The following TJP1 variants were observed in gnomAD, a reference collection of about 807,000 sequenced individuals.
The protein encoded by TJP1 is tight junction protein ZO-1.
Under a neutral mutation model 194.2 loss-of-function variants are expected in TJP1, and 43 were observed. The ratio of observed to expected loss-of-function variants is 0.22; its 90% CI spans 0.17 to 0.29. TJP1 has a LOEUF of 0.29. TJP1 is among the 10% of genes least tolerant of loss of function. TJP1 has a pLI of 1.00. For synonymous variants in TJP1, 801 were observed against 779.0 expected (o/e 1.03, Z -0.47); for missense variants, 1,971 against 2,185.7 (o/e 0.90, Z 1.96).
rs556135120 is a variant in TJP1, at chr15:29,849,702, G to A, written c.307-49000C>T. ...TCGGAGGTTGCAATGAGCTGAGATCGTGCCACTGTACTCCAGCCTGGGCAA... is the reference window on the plus strand; with the variant it reads ...TCGGAGGTTGCAATGAGCTGAGATCATGCCACTGTACTCCAGCCTGGGCAA... On this transcript the variant is annotated intron_variant, in intron 2 of 28. Transcript: ENST00000356107. Among the ~76,000 whole-genome samples the A allele has an allele frequency of 9.3e-5, 14 of 150,300 alleles. 1 individual carries two copies. The highest frequency in any genetic ancestry group is 2.0e-4 in the East Asian group (1 of 5,082).
rs759205241 is a variant in TJP1, at chr15:29,761,169, C to T, written c.980G>A (p.Arg327Lys). ...ATTGCTTGGCTGCTGCGGCGAGTGC[C>T]TGGAATGATCAGAAGGCTCTGACCG... ...DQRSEPSDHS[R>K]HSPQQPSNGS... is the part of the protein sequence containing the mutation. Residue 327 changes from arginine (R) to lysine (K), a missense_variant, in exon 8 of 28, where the codon AGG (arginine) becomes AAG (lysine). Around this residue, in one of 5 missense-constraint regions of TJP1, gnomAD observed 192 missense variants for 182.3 expected, o/e 1.05. Coordinates refer to ENST00000614355, the MANE Select transcript of TJP1 (RefSeq NM_001330239.4). 6.2e-7 allele frequency: 1 copy of T among 1,612,474 alleles called. No individual in the cohort carries two copies. Among genetic ancestry groups the T allele is most frequent in the Non-Finnish European group, 8.5e-7 (1 of 1,179,414 alleles).
intron 1 of TJP1, among the ~76,000 whole-genome samples, chr15:29,811,100 CA>C (rs1160079379): frequency 6.6e-6 from 1 of 151,846 alleles, no homozygotes; most frequent in Non-Finnish European, 1.5e-5. Context: ...TGCTAGGAAC[CA>C]AAAAGAGGAA....
At chr15:29,962,710 T>C (rs912851127) in intron 1 of TJP1, among the ~76,000 whole-genome samples, 7 of 152,242 alleles carry the variant, frequency 4.6e-5, no homozygotes, top group Non-Finnish European at 1.0e-4. Flanking sequence ...CAGGAAAAGC[T>C]AGTAAAATGC....
chr15:29,941,408 T>C (rs2055071480), intron 2 of TJP1, among the ~76,000 whole-genome samples: 1 of 152,212 alleles, frequency 6.6e-6, no homozygotes, highest in Non-Finnish European at 1.5e-5. Flanking sequence ...TAAAATGGTC[T>C]GTGCTCCTCA....
chr15:29,943,256 A>G (rs891278022), intron 2 of TJP1, among the ~76,000 whole-genome samples: 1 of 152,166 alleles, frequency 6.6e-6, no homozygotes, highest in African/African-American at 2.4e-5. Flanking sequence ...AATTTAGCTA[A>G]TCCTTCTTTC....
chr15:29,739,736 C>T (rs560450537), intron 10 of TJP1, among the ~76,000 whole-genome samples: 4 of 152,084 alleles, frequency 2.6e-5, no homozygotes, highest in East Asian at 1.9e-4. Context: ...TGAGCCACTG[C>T]GCCCGGCCAG....
At chr15:29,721,992 C>T (rs2042956420) in intron 18 of TJP1, among the ~76,000 whole-genome samples, 1 of 152,218 alleles carries the variant, frequency 6.6e-6, no homozygotes, top group Non-Finnish European at 1.5e-5. Flanking sequence ...CTGCTTCTAA[C>T]AGCATGTGTT....
At chr15:29,942,234 C>G (rs1417840037) in intron 2 of TJP1, among the ~76,000 whole-genome samples, 3 of 152,186 alleles carry the variant, frequency 2.0e-5, no homozygotes, top group Non-Finnish European at 2.9e-5. Flanking sequence ...AGCTCCCGAA[C>G]TAGCAGTTGC....
Position 29,701,684 on chromosome 15 carries a change from G to A in TJP1, c.5218C>T (p.Pro1740Ser), listed in dbSNP as rs202155254. ...LKSSDSSSGDPKTWQNKCLPG... is the reference protein window; with the variant it reads ...LKSSDSSSGDSKTWQNKCLPG... Reference sequence around the variant, plus strand: ...AGACACTTGTTTTGCCAGGTTTTAGGATCACCTATGAGAGAAAAGAAGTTG... The same window carrying A: ...AGACACTTGTTTTGCCAGGTTTTAGAATCACCTATGAGAGAAAAGAAGTTG... Residue 1740 changes from proline to serine, a missense_variant, in exon 28 of 28, where the codon CCT becomes TCT. Pro to Ser is a moderately conservative substitution (Grantham distance 74). This residue lies in a region of TJP1 where 1,108 missense variants were observed against 1,128.5 expected (regional missense o/e 0.98). Coordinates refer to ENST00000614355, the MANE Select transcript of TJP1 (RefSeq NM_001330239.4). The A allele has an allele frequency of 1.4e-5, 23 of 1,613,320 alleles. No individual in the cohort carries two copies. In the East Asian group the frequency reaches 4.5e-4, roughly 31 times the overall value.
intron 2 of TJP1, among the ~76,000 whole-genome samples, chr15:29,945,285 T>C (rs1333246598): frequency 6.6e-6 from 1 of 152,352 alleles, no homozygotes; most frequent in South Asian, 2.1e-4. Context: ...GTAGGAATTA[T>C]GTTAGCTAGG....
rs544485314 is a variant in TJP1, at chr15:29,820,323, T to C, written c.27+1679A>G. ...ACTGAATATTATTTCATTTCACTTATTCATTTATGGCCTGTTTTGCTCTAT... is the reference window on the plus strand; with the variant it reads ...ACTGAATATTATTTCATTTCACTTACTCATTTATGGCCTGTTTTGCTCTAT... On this transcript the variant is annotated intron_variant, in intron 1 of 27. Transcript: ENST00000614355. 5.9e-5 allele frequency among the ~76,000 whole-genome samples: 9 copies of C among 152,298 alleles called. No individual in the cohort carries two copies. The South Asian group carries it at 1.5e-3, about 25-fold the overall frequency.
intron 8 of TJP1, among the ~76,000 whole-genome samples, chr15:29,746,901 C>T (rs2044823874): frequency 6.7e-6 from 1 of 148,712 alleles, no homozygotes; most frequent in South Asian, 2.1e-4. Flanking sequence ...TGAAGTAGAA[C>T]AATCTTTTAG....
intron 2 of TJP1, among the ~76,000 whole-genome samples, chr15:29,917,595 G>A (rs1466800271): frequency 6.6e-6 from 1 of 152,174 alleles, no homozygotes. Context: ...CTGCAACCCA[G>A]GCTCCAGGCT....
intron 18 of TJP1, among the ~76,000 whole-genome samples, chr15:29,723,220 T>C (rs1048591413): frequency 5.3e-5 from 8 of 152,186 alleles, no homozygotes; most frequent in African/African-American, 1.9e-4. Flanking sequence ...GGTTTGGATT[T>C]GTGTCCCCAC....
At chr15:29,796,541 T>C (rs2048425191) in intron 2 of TJP1, among the ~76,000 whole-genome samples, 1 of 152,164 alleles carries the variant, frequency 6.6e-6, no homozygotes, top group Non-Finnish European at 1.5e-5. Context: ...GAGATAACAT[T>C]ATATTCATAG....
At chr15:29,915,839 G>C (rs2152236869) in intron 2 of TJP1, among the ~76,000 whole-genome samples, 1 of 152,300 alleles carries the variant, frequency 6.6e-6, no homozygotes, top group South Asian at 2.1e-4. Context: ...TAAGATACTA[G>C]AGAGTAAAAC....
chr15:29,833,879 A>ATTTTTTTTTTTTTTTTT (rs1460129845), intron 2 of TJP1, among the ~76,000 whole-genome samples: 2 of 13,788 alleles, frequency 1.5e-4, no homozygotes, highest in East Asian at 6.9e-3. Flanking sequence ...ATATATATAT[A>ATTTTTTTTTTTTTTTTT]TATTTTTTTT....
chr15:29,907,950 G>A (rs2053871824), intron 2 of TJP1, among the ~76,000 whole-genome samples: 1 of 146,138 alleles, frequency 6.8e-6, no homozygotes, highest in Admixed American at 7.0e-5. Flanking sequence ...AAAACAAAGT[G>A]AGAACAACAG....
chr15:29,917,900 A>T (rs2054236094), intron 2 of TJP1, among the ~76,000 whole-genome samples: 1 of 152,162 alleles, frequency 6.6e-6, no homozygotes, highest in African/African-American at 2.4e-5. Context: ...GTATACTCAC[A>T]TTGTTGTGCA....
Sources: gnomAD v4.1 joint callset for allele counts (sites outside exome capture counted in the v4.1 genomes callset) on GRCh38, gnomAD v4.1.1 for gene constraint, gnomAD v4.1.1 regional missense constraint, MANE v1.5 for transcripts, NCBI Gene and HGNC (gene_info 2026-07-23, HGNC 2026-07-21) for gene names.